Variants in PHACTR4 observed in about 807,000 individuals in gnomAD.
PHACTR4 encodes protein phosphatase 1, regulatory subunit 124.
Under a neutral mutation model 72.7 loss-of-function variants are expected in PHACTR4, and 51 were observed. The ratio of observed to expected loss-of-function variants is 0.70; its 90% CI spans 0.56 to 0.89. The LOEUF (loss-of-function observed/expected upper bound fraction) is 0.89, where lower values mean the gene tolerates loss of function less well. PHACTR4 is among the 40% of genes least tolerant of loss of function. The probability of loss-of-function intolerance (pLI) is 0.00; values close to 1 mark genes in which losing one functional copy is unlikely to be tolerated. For missense variants in PHACTR4, 731 were observed against 861.8 expected (o/e 0.85, Z 1.90); for synonymous variants, 255 against 302.5 (o/e 0.84, Z 1.63).
chr1:28,487,182 C>T (rs1478205241), intron 9 of PHACTR4, among the ~76,000 whole-genome samples: 3 of 151,792 alleles, frequency 2.0e-5, no homozygotes, highest in Admixed American at 6.6e-5. Flanking sequence ...CTGGCTAACA[C>T]GGTGAAACGC....
chr1:28,398,723 G>GC (rs1030076810), intron 1 of PHACTR4, among the ~76,000 whole-genome samples: 38 of 152,072 alleles, frequency 2.5e-4, no homozygotes, highest in African/African-American at 8.9e-4. Flanking sequence ...GGAGGCTGAG[G>GC]CAGGAGAATT....
At chr1:28,459,667 G>T (rs1407172756) in intron 3 of PHACTR4, among the ~76,000 whole-genome samples, 2 of 152,088 alleles carry the variant, frequency 1.3e-5, no homozygotes, top group Non-Finnish European at 2.9e-5. Flanking sequence ...CTCCCAAAGT[G>T]CTGGGATTAC....
At position 28,449,141 on chromosome 1, in the gene PHACTR4, TCAAAA is replaced by T. The variant is rs373000427; in HGVS notation, c.17-9935_17-9931del. Among the ~76,000 whole-genome samples, 156 of 152,100 alleles carry T rather than the reference TCAAAA, an allele frequency of 1.0e-3. 1 individual carries two copies. The East Asian group carries it at 0.024, about 23-fold the overall frequency. On this transcript the variant is annotated intron_variant, in intron 2 of 13. Transcript: ENST00000373839. ...CTGGGTGAAAGAGTGAGACACTGTC[TCAAAA>T]CAAAACAACAACAACAACAACAACT...
intron 1 of PHACTR4, among the ~76,000 whole-genome samples, chr1:28,383,272 A>G (rs1022808800): frequency 1.3e-5 from 2 of 151,952 alleles, no homozygotes; most frequent in African/African-American, 4.8e-5. Context: ...CCTGTGGTAT[A>G]GTTTGATGTT....
chr1:28,453,540 A>G (rs1021622682), intron 2 of PHACTR4: 2 of 635,102 alleles, frequency 3.1e-6, no homozygotes, highest in Non-Finnish European at 5.5e-6. Context: ...GGCTGGGGAA[A>G]TGGCGGCTTC....
At chr1:28,450,875 G>A (rs1194728346) in intron 2 of PHACTR4, among the ~76,000 whole-genome samples, 1 of 149,904 alleles carries the variant, frequency 6.7e-6, no homozygotes, top group Non-Finnish European at 1.5e-5. Context: ...CAGTGGAGTT[G>A]TCTCAGCTCA....
chr1:28,430,495 G>A (rs1328398436), intron 2 of PHACTR4, among the ~76,000 whole-genome samples: 1 of 152,202 alleles, frequency 6.6e-6, no homozygotes, highest in African/African-American at 2.4e-5. Context: ...TCAATTGTAG[G>A]ATGTTACCTC....
intron 1 of PHACTR4, among the ~76,000 whole-genome samples, chr1:28,379,389 C>T (rs1332161505): frequency 6.6e-6 from 1 of 151,426 alleles, no homozygotes; most frequent in Non-Finnish European, 1.5e-5. Flanking sequence ...CCTTCCACCT[C>T]AGCCTCCCGG....
chr1:28,444,112 G>T (rs1280639721), intron 2 of PHACTR4, among the ~76,000 whole-genome samples: 1 of 148,496 alleles, frequency 6.7e-6, no homozygotes, highest in Non-Finnish European at 1.5e-5. Context: ...TTGTCTTTTT[G>T]ATAATAGCCT....
At chr1:28,424,475 A>G (rs1655706597) in intron 2 of PHACTR4, among the ~76,000 whole-genome samples, 1 of 147,554 alleles carries the variant, frequency 6.8e-6, no homozygotes, top group African/African-American at 2.6e-5. Context: ...ATTTTCATTT[A>G]TTTTTATTTT....
chr1:28,472,962 C>G (rs1659664077), intron 6 of PHACTR4, among the ~76,000 whole-genome samples: 1 of 151,220 alleles, frequency 6.6e-6, no homozygotes, highest in Non-Finnish European at 1.5e-5. Flanking sequence ...TTCATATTAA[C>G]TACACCAAGA....
At chr1:28,428,974 C>T (rs1430395658) in intron 2 of PHACTR4, among the ~76,000 whole-genome samples, 1 of 152,130 alleles carries the variant, frequency 6.6e-6, no homozygotes, top group Non-Finnish European at 1.5e-5. Flanking sequence ...TGACTGTAAA[C>T]CCTGTGCTTT....
rs1320016675 is a variant in PHACTR4 at position 28,487,717 on chromosome 1, G to GTTTTTTT, written c.1761-1447_1761-1446insTTTTTTT. Among the ~76,000 whole-genome samples the GTTTTTTT allele has an allele frequency of 9.0e-4, 92 of 102,448 alleles. 7 individuals carry two copies. The highest frequency in any genetic ancestry group is 3.4e-3 in the African/African-American group (84 of 24,648). The allele number at this position is 102,448 out of a possible 152,430, so 67.2% of individuals were successfully genotyped here. A position where few individuals can be genotyped will look rare whatever the true frequency, so the allele number is the denominator to read the frequency against. ...CTGATTTCAAAAATGACAAATTGTA[G>GTTTTTTT]TTTTTTGTTGTTTTTTTTTTTTTTT... On this transcript the variant is annotated intron_variant, in intron 9 of 13. Transcript: ENST00000373839.
chr1:28,460,864 G>C (rs747931629), intron 4 of PHACTR4, among the ~76,000 whole-genome samples: 7 of 151,752 alleles, frequency 4.6e-5, no homozygotes, highest in Admixed American at 4.6e-4. Context: ...GGCTGGTCTC[G>C]AACTCCTGAC....
In PHACTR4 at chr1:28,480,445, G is replaced by A. The variant is rs1660210417; in HGVS notation, c.1607-6G>A. 6.2e-7 allele frequency: 1 copy of A among 1,613,642 alleles called. No individual in the cohort carries two copies. Among genetic ancestry groups the A allele is most frequent in the African/African-American group, 1.3e-5 (1 of 75,000 alleles). On this transcript the variant is annotated splice_region_variant and splice_polypyrimidine_tract_variant and intron_variant, in intron 8 of 13. Coordinates refer to ENST00000373839, the MANE Select transcript of PHACTR4 (RefSeq NM_001048183.3). ...TTCTACATTTTTTTCTTCCCCGTGTGCAAAGGTGCTCTCGCCAACAAAGTG... is the reference window on the plus strand; with the variant it reads ...TTCTACATTTTTTTCTTCCCCGTGTACAAAGGTGCTCTCGCCAACAAAGTG...
At chr1:28,433,521 A>G (rs1569935708) in intron 2 of PHACTR4, among the ~76,000 whole-genome samples, 1 of 144,102 alleles carries the variant, frequency 6.9e-6, no homozygotes, top group Admixed American at 7.1e-5. Context: ...GCACTGGCAC[A>G]ATCTCAGCTC....
At chr1:28,439,068 G>T (rs191735631) in intron 2 of PHACTR4, among the ~76,000 whole-genome samples, 1 of 152,124 alleles carries the variant, frequency 6.6e-6, no homozygotes, top group Non-Finnish European at 1.5e-5. Flanking sequence ...GTAGTCACTT[G>T]TCACTGCAAG....
chr1:28,461,723 C>G (rs1197089283), intron 4 of PHACTR4, among the ~76,000 whole-genome samples: 1 of 151,830 alleles, frequency 6.6e-6, no homozygotes, highest in Non-Finnish European at 1.5e-5. Context: ...GACAGGGTCT[C>G]CCTATGTTGC....
chr1:28,449,795 T>A (rs1657804944), intron 2 of PHACTR4, among the ~76,000 whole-genome samples: 1 of 151,168 alleles, frequency 6.6e-6, no homozygotes. Context: ...GGGGTTGCAG[T>A]GAGCTGAGAT....
Sources: gnomAD v4.1 joint callset for allele counts (sites outside exome capture counted in the v4.1 genomes callset) on GRCh38, gnomAD v4.1.1 for gene constraint, MANE v1.5 for transcripts, NCBI Gene and HGNC (gene_info 2026-07-23, HGNC 2026-07-21) for gene names.